The following KANK4 variants were observed in gnomAD, a reference collection of about 807,000 sequenced individuals.
The protein encoded by KANK4 is KN motif and ankyrin repeat domain-containing protein 4.
KANK4 carries 50 observed loss-of-function variants against 80.8 expected under a neutral mutation model. That is an observed-to-expected ratio of 0.62 (90% confidence interval 0.49 to 0.78). The LOEUF (loss-of-function observed/expected upper bound fraction) is 0.78, where lower values mean the gene tolerates loss of function less well. KANK4 is among the 30% of genes least tolerant of loss of function. The probability of loss-of-function intolerance (pLI) is 0.00; values close to 1 mark genes in which losing one functional copy is unlikely to be tolerated. For missense variants in KANK4, 1,196 were observed against 1,240.1 expected (o/e 0.96, Z 0.53); for synonymous variants, 465 against 506.9 (o/e 0.92, Z 1.11).
Position 62,275,052 on chromosome 1 carries a change from C to A in KANK4, c.52G>T (p.Asp18Tyr). ...DQSSQGDEEK[D>Y]PPKSHPYSVE... Reference sequence around the variant, plus strand: ...GAATAAGGGTGGCTCTTCGGAGGGTCTTTCTCTTCATCCCCCTGAGAGGAC... The same window carrying A: ...GAATAAGGGTGGCTCTTCGGAGGGTATTTCTCTTCATCCCCCTGAGAGGAC... Residue 18 changes from aspartate to tyrosine, a missense_variant, in exon 3 of 10, where the codon GAC becomes TAC. Physicochemically the swap from Asp to Tyr is radical, Grantham distance 160. Coordinates refer to ENST00000371153, the MANE Select transcript of KANK4 (RefSeq NM_181712.5). 6.2e-7 allele frequency: 1 copy of A among 1,613,338 alleles called. No individual in the cohort carries two copies. Among genetic ancestry groups the A allele is most frequent in the Non-Finnish European group, 8.5e-7 (1 of 1,179,674 alleles).
At chr1:62,310,324 C>A (rs569794258) in intron 1 of KANK4, among the ~76,000 whole-genome samples, 2 of 152,070 alleles carry the variant, frequency 1.3e-5, no homozygotes, top group Non-Finnish European at 2.9e-5. Context: ...TACAAAATTG[C>A]GTAGGAGCCT....
At position 62,271,605 on chromosome 1, in the gene KANK4, A is replaced by G. The variant is rs1672165603; in HGVS notation, c.1901-16T>C. On this transcript the variant is annotated splice_polypyrimidine_tract_variant and intron_variant, in intron 3 of 9. Transcript: ENST00000371153. ...GGGGAGATCTCTAGGCAGACACAAC[A>G]TCACAGGTTAGAATGATCTTGGGGA... The G allele has an allele frequency of 1.3e-6, 2 of 1,558,370 alleles. No homozygotes were observed. Among genetic ancestry groups the G allele is most frequent in the African/African-American group, 1.4e-5 (1 of 73,684 alleles).
chr1:62,300,086 A>G (rs1335805676), intron 1 of KANK4, among the ~76,000 whole-genome samples: 1 of 152,056 alleles, frequency 6.6e-6, no homozygotes, highest in African/African-American at 2.4e-5. Flanking sequence ...ATGTGGGTTC[A>G]GCTGCTGCTG....
chr1:62,285,800 T>A (rs1672551579), intron 1 of KANK4, among the ~76,000 whole-genome samples: 2 of 150,874 alleles, frequency 1.3e-5, no homozygotes, highest in South Asian at 4.2e-4. Flanking sequence ...AAAAAAAAAA[T>A]CACCTGTACC....
At chr1:62,315,469 A>G (rs1644531275) in intron 1 of KANK4, among the ~76,000 whole-genome samples, 1 of 152,204 alleles carries the variant, frequency 6.6e-6, no homozygotes, top group Non-Finnish European at 1.5e-5. Context: ...TGACTATGCC[A>G]GGGATCGACA....
intron 4 of KANK4, among the ~76,000 whole-genome samples, chr1:62,270,031 A>G (rs1235526746): frequency 6.6e-6 from 1 of 152,184 alleles, no homozygotes. Context: ...TACTGGAGTA[A>G]CAAATGCTGA....
chr1:62,270,550 A>G (rs905589380), intron 4 of KANK4, among the ~76,000 whole-genome samples: 1 of 151,442 alleles, frequency 6.6e-6, no homozygotes, highest in African/African-American at 2.4e-5. Flanking sequence ...ACACCCAACT[A>G]ATTTTGTATT....
chr1:62,243,297 C>T (rs2149114796), intron 9 of KANK4, among the ~76,000 whole-genome samples: 1 of 152,162 alleles, frequency 6.6e-6, no homozygotes, highest in African/African-American at 2.4e-5. Flanking sequence ...TTGCCTAAAC[C>T]AGGCATTCTC....
chr1:62,244,779 C>T (rs570674654), intron 9 of KANK4, among the ~76,000 whole-genome samples: 1 of 152,278 alleles, frequency 6.6e-6, no homozygotes, highest in Non-Finnish European at 1.5e-5. Flanking sequence ...TGGTCTCAAA[C>T]TCCTGGGCTC....
chr1:62,297,227 C>T (rs1306515051), intron 1 of KANK4, among the ~76,000 whole-genome samples: 2 of 152,012 alleles, frequency 1.3e-5, no homozygotes, highest in Non-Finnish European at 1.5e-5. Flanking sequence ...AGTGAGACTC[C>T]GTCTCAAAAA....
At chr1:62,251,329 C>A (rs895459570) in intron 8 of KANK4, among the ~76,000 whole-genome samples, 3 of 152,132 alleles carry the variant, frequency 2.0e-5, no homozygotes. Context: ...ATGTCTTCTG[C>A]CAGCATCCAC....
At chr1:62,251,151 T>C (rs1359247515) in intron 8 of KANK4, among the ~76,000 whole-genome samples, 2 of 152,104 alleles carry the variant, frequency 1.3e-5, no homozygotes, top group African/African-American at 2.4e-5. Flanking sequence ...AAGCTTCAGG[T>C]TCCCTACACT....
chr1:62,245,587 A>G (rs928656119), intron 9 of KANK4, among the ~76,000 whole-genome samples: 1 of 152,214 alleles, frequency 6.6e-6, no homozygotes, highest in African/African-American at 2.4e-5. Context: ...CAGTGCCAAT[A>G]TTAAGGAGTC....
Position 62,273,735 on chromosome 1 carries a change from C to A in KANK4, c.1369G>T (p.Gly457Trp). 2 of 1,614,054 alleles carry A rather than the reference C, an allele frequency of 1.2e-6. No homozygotes were observed. Among genetic ancestry groups the A allele is most frequent in the South Asian group, 2.2e-5 (2 of 91,070 alleles). ...HRGEENGLLW[G>W]PDGHKQGNQS... ...TTCCCTTGTTTATGACCATCTGGCC[C>A]CCATAGGAGGCCATTCTCCTCTCCT... is the stretch of plus-strand genomic sequence containing the variant. The change falls in exon 3 of 10, where the codon GGG (glycine) becomes TGG (tryptophan). Residue 457 changes from glycine (G) to tryptophan (W), a missense_variant. Physicochemically the swap from Gly to Trp is radical, Grantham distance 184. This residue lies in a region of KANK4 where 1,154 missense variants were observed against 1,179.6 expected (regional missense o/e 0.98). Transcript: ENST00000371153.
chr1:62,243,585 C>T (rs554979593), intron 9 of KANK4, among the ~76,000 whole-genome samples: 5 of 152,198 alleles, frequency 3.3e-5, no homozygotes, highest in Middle Eastern at 3.4e-3. Context: ...GTGATCCACC[C>T]GCCTCGGCCT....
chr1:62,285,561 A>G (rs1310135625), intron 1 of KANK4, among the ~76,000 whole-genome samples: 1 of 152,174 alleles, frequency 6.6e-6, no homozygotes, highest in African/African-American at 2.4e-5. Context: ...ATTCTGCAAT[A>G]ATAAAAATGT....
At chr1:62,262,683 G>GA (rs1204741196) in intron 7 of KANK4, among the ~76,000 whole-genome samples, 1 of 152,070 alleles carries the variant, frequency 6.6e-6, no homozygotes, top group African/African-American at 2.4e-5. Context: ...TACTCAGCCA[G>GA]AAAAAAGAAC....
At chr1:62,282,268 G>C (rs1672467562) in intron 1 of KANK4, among the ~76,000 whole-genome samples, 1 of 152,158 alleles carries the variant, frequency 6.6e-6, no homozygotes, top group Non-Finnish European at 1.5e-5. Context: ...CTCTGAATTA[G>C]TGTGCCTTGA....
chr1:62,239,448 T>A (rs1161216371), intron 9 of KANK4, among the ~76,000 whole-genome samples: 1 of 152,178 alleles, frequency 6.6e-6, no homozygotes, highest in Non-Finnish European at 1.5e-5. Flanking sequence ...TCTAAGTCTC[T>A]GCCATCATAA....
Sources: gnomAD v4.1 joint callset for allele counts (sites outside exome capture counted in the v4.1 genomes callset) on GRCh38, gnomAD v4.1.1 for gene constraint, gnomAD v4.1.1 regional missense constraint, MANE v1.5 for transcripts, NCBI Gene and HGNC (gene_info 2026-07-23, HGNC 2026-07-21) for gene names.